Variants in SRBD1 observed in about 807,000 individuals in gnomAD.
SRBD1 encodes S1 RNA-binding domain-containing protein 1.
In SRBD1, 88 loss-of-function variants were observed where a neutral mutation model predicts 115.3. The ratio of observed to expected loss-of-function variants is 0.76; its 90% confidence interval spans 0.64 to 0.91. The LOEUF (loss-of-function observed/expected upper bound fraction) is 0.91. Ranked by LOEUF, SRBD1 falls within the 40% of genes least tolerant of loss-of-function variation. The pLI is 0.00. For missense variants in SRBD1, 1,385 were observed against 1,177.4 expected (o/e 1.18, Z -2.58); for synonymous variants, 509 against 407.7 (o/e 1.25, Z -2.99).
chr2:45,608,824 T>A lies in SRBD1; in HGVS notation c.-1+2395A>T, dbSNP rs1053922784. Among the ~76,000 whole-genome samples, 621 of 143,368 alleles carry A rather than the reference T, an allele frequency of 4.3e-3. 3 individuals are homozygous for A. Among genetic ancestry groups the A allele is most frequent in the Non-Finnish European group, 6.6e-3 (432 of 65,054 alleles). The allele number at this position is 143,368 out of a possible 152,430, so 94.1% of individuals were successfully genotyped here. A position where few individuals can be genotyped will look rare whatever the true frequency, so the allele number is the denominator to read the frequency against. ...AAGCCAGAACCTTGAAAAAAAAAAT[T>A]TTTTTTTTTTTTTGAGACGGTCTCA... On this transcript the variant is annotated intron_variant, in intron 1 of 20. Coordinates refer to ENST00000263736, the MANE Select transcript of SRBD1 (RefSeq NM_018079.5).
intron 19 of SRBD1, among the ~76,000 whole-genome samples, chr2:45,411,012 A>C (rs1048638251): frequency 6.6e-6 from 1 of 152,202 alleles, no homozygotes; most frequent in Non-Finnish European, 1.5e-5. Flanking sequence ...TGAGTTCTGC[A>C]AACTGGCAAA....
At chr2:45,441,436 T>A (rs546102764) in intron 16 of SRBD1, among the ~76,000 whole-genome samples, 1 of 152,326 alleles carries the variant, frequency 6.6e-6, no homozygotes, top group South Asian at 2.1e-4. Flanking sequence ...ATAAATATGA[T>A]TTGTTATTGT....
chr2:45,559,526 C>G (rs754897712), intron 10 of SRBD1, among the ~76,000 whole-genome samples: 1 of 152,160 alleles, frequency 6.6e-6, no homozygotes, highest in East Asian at 1.9e-4. Flanking sequence ...ACTACGCTGT[C>G]ATCATGGATA....
intron 16 of SRBD1, among the ~76,000 whole-genome samples, chr2:45,445,407 A>C (rs1481883728): frequency 6.7e-6 from 1 of 148,408 alleles, no homozygotes; most frequent in Non-Finnish European, 1.5e-5. Context: ...CTAATAATGA[A>C]ATCTTGGGGG....
chr2:45,605,455 A>C lies in SRBD1; in HGVS notation c.1-14T>G. 3 of 1,611,322 alleles carry C rather than the reference A, an allele frequency of 1.9e-6. No homozygotes were observed. In the East Asian group the frequency reaches 6.7e-5, roughly 36 times the overall value. ...CAATGATGACATCTAGAAGAAACAG[A>C]AAATAAAATCAGCAACACTTGAATA... On this transcript the variant is annotated splice_polypyrimidine_tract_variant and intron_variant, in intron 1 of 20. Coordinates refer to ENST00000263736, the MANE Select transcript of SRBD1 (RefSeq NM_018079.5).
chr2:45,474,230 T>C (rs534279926), intron 16 of SRBD1, among the ~76,000 whole-genome samples: 1 of 152,238 alleles, frequency 6.6e-6, no homozygotes, highest in Non-Finnish European at 1.5e-5. Flanking sequence ...CACTCGCTAT[T>C]ACTTTTTGTT....
intron 10 of SRBD1, among the ~76,000 whole-genome samples, chr2:45,561,035 A>C (rs1165832181): frequency 6.6e-6 from 1 of 152,052 alleles, no homozygotes; most frequent in East Asian, 1.9e-4. Context: ...GGAGTCTGGG[A>C]GATTGAGGCT....
intron 10 of SRBD1, among the ~76,000 whole-genome samples, chr2:45,561,715 C>T (rs1314220714): frequency 6.6e-6 from 1 of 152,106 alleles, no homozygotes; most frequent in Non-Finnish European, 1.5e-5. Context: ...CAATTACACT[C>T]TGAAAAATTA....
intron 16 of SRBD1, among the ~76,000 whole-genome samples, chr2:45,430,238 C>A (rs1420259810): frequency 6.6e-6 from 1 of 152,142 alleles, no homozygotes; most frequent in Non-Finnish European, 1.5e-5. Context: ...AGATTCAATG[C>A]TATCCCCCCC....
chr2:45,477,025 C>G lies in SRBD1; in HGVS notation c.2017G>C (p.Glu673Gln), dbSNP rs1553338264. 1 of 1,613,766 alleles carries G rather than the reference C, an allele frequency of 6.2e-7. No homozygotes were observed. The change falls in exon 16 of 21, where the codon GAG becomes CAG. Residue 673 changes from glutamate to glutamine, a missense_variant. Glu to Gln is a conservative substitution (Grantham distance 29, BLOSUM62 2). Coordinates refer to ENST00000263736, the MANE Select transcript of SRBD1 (RefSeq NM_018079.5). ...ATTCCAACTCCAATGTGCTTTGGCT[C>G]AATTTTCACTAGCTCAGCTAATGGA... ...QDPLAELVKI[E>Q]PKHIGVGMYQ...
intron 16 of SRBD1, among the ~76,000 whole-genome samples, chr2:45,433,493 A>G (rs1441945995): frequency 6.6e-6 from 1 of 152,208 alleles, no homozygotes; most frequent in Non-Finnish European, 1.5e-5. Context: ...AAGCAAGTTT[A>G]CTTCTTCATT....
chr2:45,419,984 A>AAC, intron 16 of SRBD1, 90 bp from the exon 17 acceptor site: 1 of 1,126,900 alleles, frequency 8.9e-7, no homozygotes, highest in Non-Finnish European at 1.3e-6. Context: ...GTGGTTAGCT[A>AAC]ACACACACCA....
At chr2:45,547,052 T>C (rs746459170) in intron 13 of SRBD1, among the ~76,000 whole-genome samples, 1 of 152,192 alleles carries the variant, frequency 6.6e-6, no homozygotes, top group Non-Finnish European at 1.5e-5. Flanking sequence ...CAGAGAAGTA[T>C]TTTACTGTCA....
intron 16 of SRBD1, among the ~76,000 whole-genome samples, chr2:45,467,359 A>T (rs1301605974): frequency 6.6e-6 from 1 of 152,172 alleles, no homozygotes; most frequent in East Asian, 1.9e-4. Flanking sequence ...TTTCTCATTT[A>T]AATAATTTAA....
chr2:45,475,843 T>C (rs1382184151), intron 16 of SRBD1, among the ~76,000 whole-genome samples: 1 of 152,132 alleles, frequency 6.6e-6, no homozygotes. Context: ...GGACTACAGG[T>C]GCGCGCCACC....
chr2:45,480,309 G>C (rs961535878), intron 15 of SRBD1, among the ~76,000 whole-genome samples: 2 of 152,080 alleles, frequency 1.3e-5, no homozygotes, highest in African/African-American at 4.8e-5. Context: ...CTGAGGATCT[G>C]GGCAAAGTAC....
intron 4 of SRBD1, among the ~76,000 whole-genome samples, chr2:45,589,774 T>C (rs376033974): frequency 3.3e-5 from 5 of 152,202 alleles, no homozygotes; most frequent in South Asian, 4.1e-4. Context: ...ATTGATTCAG[T>C]TGAACATTTA....
Position 45,389,253 on chromosome 2 carries a change from C to T in SRBD1, c.*57G>A. On this transcript the variant is annotated 3_prime_UTR_variant, in exon 21 of 21. Coordinates refer to ENST00000263736, the MANE Select transcript of SRBD1 (RefSeq NM_018079.5). ...TAGAGTTTACAAACAACTGACTTATCCTTGTCAATCTGTGGAAATGAGAAA... is the reference window on the plus strand; with the variant it reads ...TAGAGTTTACAAACAACTGACTTATTCTTGTCAATCTGTGGAAATGAGAAA... 1 of 1,570,496 alleles carries T rather than the reference C, an allele frequency of 6.4e-7. No homozygotes were observed. Among genetic ancestry groups the T allele is most frequent in the African/African-American group, 1.4e-5 (1 of 73,374 alleles).
intron 16 of SRBD1, among the ~76,000 whole-genome samples, chr2:45,476,709 G>A (rs941045538): frequency 6.6e-5 from 10 of 152,138 alleles, no homozygotes; most frequent in African/African-American, 2.4e-4. Flanking sequence ...GTTAAAAGAA[G>A]AGGCTCTCTC....
Sources: gnomAD v4.1 joint callset for allele counts (sites outside exome capture counted in the v4.1 genomes callset) on GRCh38, gnomAD v4.1.1 for gene constraint, MANE v1.5 for transcripts, NCBI Gene and HGNC (gene_info 2026-07-23, HGNC 2026-07-21) for gene names.